The following SH2B3 variants were observed in gnomAD, a reference collection of about 807,000 sequenced individuals.
SH2B3 encodes the protein SH2B adapter protein 3.
SH2B3 carries 43 observed loss-of-function variants against 51.9 expected under a neutral mutation model. That is an observed-to-expected ratio of 0.83 (90% CI 0.65 to 1.07). The LOEUF is 1.07. SH2B3 is among the 50% of genes least tolerant of loss of function. The pLI is 0.00. For synonymous variants in SH2B3, 396 were observed against 376.0 expected, an observed-to-expected ratio of 1.05 and a Z score of -0.62; for missense variants, 952 against 834.3, an observed-to-expected ratio of 1.14 and a Z score of -1.74.
At chr12:111,431,887 G>A (rs543953155) in intron 2 of SH2B3, among the ~76,000 whole-genome samples, 1 of 152,004 alleles carries the variant, frequency 6.6e-6, no homozygotes, top group South Asian at 2.1e-4. Context: ...ATTTACAGGC[G>A]TGAGCCACCA....
rs1233802144 is a variant in SH2B3 at position 111,449,840 on chromosome 12, T to TA, written c.*1539dup. The TA allele has an allele frequency of 6.6e-6, 1 of 152,202 alleles. No homozygotes were observed. The highest frequency in any genetic ancestry group is 1.5e-5 in the Non-Finnish European group (1 of 68,072). 9.4% of individuals were successfully genotyped at this position (152,202 alleles called of 1,614,324 possible). A position where few individuals can be genotyped will look rare whatever the true frequency, so the allele number is the denominator to read the frequency against. On this transcript the variant is annotated 3_prime_UTR_variant, in exon 8 of 8. Transcript: ENST00000341259. ...TAGGTCTGCTTCTTCCACTTATACT[T>TA]AGTCTCTGTGCTCCAAGAGGTCAAA...
In SH2B3 at chr12:111,438,510, G is replaced by A. The variant is rs2135588520; in HGVS notation, c.733-8243G>A. On this transcript the variant is annotated intron_variant, in intron 2 of 7. Coordinates refer to ENST00000341259, the MANE Select transcript of SH2B3 (RefSeq NM_005475.3). The surrounding 1 kb of genome is among the most constrained non-coding windows in gnomAD (Gnocchi z 4.2). ...ACTGGGGTGGGGGATGGCAGTAGGG[G>A]CAATCATCCCCTATGCCCCCCGTTA... Among the ~76,000 whole-genome samples the A allele has an allele frequency of 6.6e-6, 1 of 152,280 alleles. No homozygotes were observed. The highest frequency in any genetic ancestry group is 3.4e-3 in the Middle Eastern group (1 of 294).
Position 111,447,001 on chromosome 12 carries a change from G to C in SH2B3, c.894G>C (p.Trp298Cys), listed in dbSNP as rs752595608. 5 of 1,614,098 alleles carry C rather than the reference G, an allele frequency of 3.1e-6. No homozygotes were observed. The South Asian group carries it at 4.4e-5, about 14-fold the overall frequency. The change falls in exon 4 of 8, where the codon TGG (tryptophan) becomes TGC (cysteine). Residue 298 changes from tryptophan to cysteine, a missense_variant. Trp to Cys is a radical substitution (Grantham distance 215). Transcript: ENST00000341259. ...EVGDEQQLNSWMAELSECTGR... is the reference protein window; with the variant it reads ...EVGDEQQLNSCMAELSECTGR... Reference sequence around the variant, plus strand: ...GAGACGAGCAGCAGCTGAATTCATGGATGGCTGAGCTCTCGGAGTGCACAG... The same window carrying C: ...GAGACGAGCAGCAGCTGAATTCATGCATGGCTGAGCTCTCGGAGTGCACAG...
At chr12:111,446,105 A>G (rs965642301) in intron 2 of SH2B3, among the ~76,000 whole-genome samples, 1 of 152,108 alleles carries the variant, frequency 6.6e-6, no homozygotes, top group Non-Finnish European at 1.5e-5. Flanking sequence ...CCATCTTTTC[A>G]GTCTTATCAC....
chr12:111,418,563 C>T lies in SH2B3; in HGVS notation c.418C>T (p.Arg140Cys), dbSNP rs758821818. Residue 140 changes from arginine (R) to cysteine (C), a missense_variant, in exon 2 of 8, where the codon CGC (arginine) becomes TGC (cysteine). Transcript: ENST00000341259. The surrounding 1 kb of genome is among the most constrained non-coding windows in gnomAD (Gnocchi z 6.7). ...GCCCTGCTCCTTCCAGCACTTTCGC[C>T]GCAGCCTCCGCCACATCTTCCGCCG... ...PGPCSFQHFR[R>C]SLRHIFRRRS... 2.1e-5 allele frequency: 31 copies of T among 1,473,366 alleles called. 1 individual carries two copies. The South Asian group carries it at 2.4e-4, about 11-fold the overall frequency. 91.3% of individuals were successfully genotyped at this position (1,473,366 alleles called of 1,614,324 possible).
At position 111,418,081 on chromosome 12, in the gene SH2B3, C is replaced by T; in HGVS notation, c.-27-38C>T. 1.4e-6 allele frequency: 2 copies of T among 1,458,112 alleles called. No individual in the cohort carries two copies. The highest frequency in any genetic ancestry group is 1.8e-6 in the Non-Finnish European group (2 of 1,110,944). 90.3% of individuals were successfully genotyped at this position (1,458,112 alleles called of 1,614,324 possible). ...GGGCCTACACCTGCTTGCCCACCTGCTTACTCCTTGTCGCCCCCCCACCCA... is the reference window on the plus strand; with the variant it reads ...GGGCCTACACCTGCTTGCCCACCTGTTTACTCCTTGTCGCCCCCCCACCCA... On this transcript the variant is annotated intron_variant, in intron 1 of 7. Transcript: ENST00000341259. This position sits in a 1 kb window ranked among gnomAD's most constrained non-coding sequence, Gnocchi z 6.7.
intron 3 of SH2B3, 21 bp downstream of exon 3, chr12:111,446,875 C>A (rs369058666): frequency 1.9e-5 from 31 of 1,602,776 alleles, no homozygotes; most frequent in Non-Finnish European, 2.6e-5. Flanking sequence ...AGGCTTTTCA[C>A]ACCCTGGGGC....
intron 7 of SH2B3, 67 bp from the exon 8 acceptor site, chr12:111,447,916 T>C: frequency 6.4e-7 from 1 of 1,550,694 alleles, no homozygotes; most frequent in Non-Finnish European, 8.8e-7. Flanking sequence ...ACAGGTATCT[T>C]GTTCTGTGTC....
chr12:111,433,767 GT>G (rs1872655693), intron 2 of SH2B3, among the ~76,000 whole-genome samples: 1 of 151,956 alleles, frequency 6.6e-6, no homozygotes, highest in African/African-American at 2.4e-5. Context: ...GTGGTTTTTT[GT>G]TTTGTTTTGT....
At chr12:111,431,274 A>G (rs1881180458) in intron 2 of SH2B3, among the ~76,000 whole-genome samples, 1 of 149,136 alleles carries the variant, frequency 6.7e-6, no homozygotes, top group Admixed American at 6.6e-5. Flanking sequence ...CTCGAACCCC[A>G]ACCTCAGCTC....
At position 111,418,807 on chromosome 12, in the gene SH2B3, G is replaced by T. The variant is rs770789973; in HGVS notation, c.662G>T (p.Arg221Met). The T allele has an allele frequency of 6.2e-6, 9 of 1,441,178 alleles. No homozygotes were observed. Among genetic ancestry groups the T allele is most frequent in the Non-Finnish European group, 7.2e-6 (8 of 1,109,188 alleles). The allele number at this position is 1,441,178 out of a possible 1,614,324, so 89.3% of individuals were successfully genotyped here. A position where few individuals can be genotyped will look rare whatever the true frequency, so the allele number is the denominator to read the frequency against. ...MDSGARWQRG[R>M]LALRRAPGPD... ...AGCGGGGCACGCTGGCAGCGCGGGA[G>T]GCTGGCGCTGCGCCGGGCCCCGGGC... is the stretch of plus-strand genomic sequence containing the variant. The change falls in exon 2 of 8, where the codon AGG (arginine) becomes ATG (methionine). Residue 221 changes from arginine (R) to methionine (M), a missense_variant. Arg to Met is a moderately conservative substitution (Grantham distance 91). Coordinates refer to ENST00000341259, the MANE Select transcript of SH2B3 (RefSeq NM_005475.3). The surrounding 1 kb of genome is among the most constrained non-coding windows in gnomAD (Gnocchi z 6.7).
intron 2 of SH2B3, 126 bp from the exon 3 acceptor site, chr12:111,446,627 G>T (rs947774551): frequency 6.8e-5 from 41 of 598,972 alleles, no homozygotes; most frequent in Non-Finnish European, 1.1e-4. Context: ...CTCAGAGCCT[G>T]CCCAGCAACA....
intron 2 of SH2B3, among the ~76,000 whole-genome samples, chr12:111,437,305 C>G (rs886272301): frequency 5.9e-5 from 9 of 152,276 alleles, no homozygotes; most frequent in East Asian, 5.8e-4. Context: ...CATTGGGGGG[C>G]TCTTGCCAGG....
chr12:111,445,357 C>T (rs1215475563), intron 2 of SH2B3, among the ~76,000 whole-genome samples: 1 of 152,210 alleles, frequency 6.6e-6, no homozygotes, highest in Non-Finnish European at 1.5e-5. Context: ...GCAGGGCTGG[C>T]TGGCTGTAAA....
chr12:111,408,572 G>C (rs1194362333), intron 1 of SH2B3, among the ~76,000 whole-genome samples: 3 of 152,288 alleles, frequency 2.0e-5, no homozygotes, highest in Admixed American at 6.5e-5. Context: ...AGAGCTGGAG[G>C]CACTTGGAGG....
At chr12:111,428,259 G>A (rs1330160085) in intron 2 of SH2B3, among the ~76,000 whole-genome samples, 1 of 152,206 alleles carries the variant, frequency 6.6e-6, no homozygotes, top group African/African-American at 2.4e-5. Flanking sequence ...CCAGCTTGGA[G>A]AAGTGGTAGA....
intron 1 of SH2B3, among the ~76,000 whole-genome samples, chr12:111,417,803 CTT>C (rs1159433080): frequency 1.3e-5 from 2 of 152,088 alleles, no homozygotes; most frequent in Non-Finnish European, 2.9e-5. Context: ...ACCATCTATG[CTT>C]AATTTGTTGA....
At chr12:111,422,125 G>GC (rs1270006356) in intron 2 of SH2B3, among the ~76,000 whole-genome samples, 2 of 152,208 alleles carry the variant, frequency 1.3e-5, no homozygotes, top group Non-Finnish European at 2.9e-5. Flanking sequence ...TGTTGCCCAG[G>GC]CTGGAGTGCA....
Position 111,429,092 on chromosome 12 carries a change from G to A in SH2B3, c.732+10215G>A, listed in dbSNP as rs969996305. Among the ~76,000 whole-genome samples the A allele has an allele frequency of 6.6e-6, 1 of 151,770 alleles. No homozygotes were observed. The highest frequency in any genetic ancestry group is 1.5e-5 in the Non-Finnish European group (1 of 67,846). ...GAGGGACGGCAGGAAGCCGCCTCGG[G>A]CTCTGACAGGCGCGGCCCTGGCCTG... On this transcript the variant is annotated intron_variant, in intron 2 of 7. Coordinates refer to ENST00000341259, the MANE Select transcript of SH2B3 (RefSeq NM_005475.3). The surrounding 1 kb of genome is among the most constrained non-coding windows in gnomAD (Gnocchi z 4.4).
Sources: allele counts gnomAD v4.1 joint callset (sites outside exome capture counted in the v4.1 genomes callset), GRCh38; gene constraint gnomAD v4.1.1; non-coding constraint Gnocchi (gnomAD v3.1); transcripts MANE v1.5; gene names NCBI Gene and HGNC (gene_info 2026-07-23, HGNC 2026-07-21).